The following TMCO6 variants were observed in gnomAD, a reference collection of about 807,000 sequenced individuals.
TMCO6 encodes transmembrane and coiled-coil domain-containing protein 6.
A neutral mutation model predicts 61.8 loss-of-function variants in TMCO6; 47 were observed. That is an observed-to-expected ratio of 0.76 (90% confidence interval 0.60 to 0.97). TMCO6 has a LOEUF of 0.97. Ranked by LOEUF, TMCO6 falls within the 50% of genes least tolerant of loss-of-function variation. The pLI is 0.00. For synonymous variants in TMCO6, 261 were observed against 254.2 expected, an observed-to-expected ratio of 1.03 and a Z score of -0.25; for missense variants, 557 against 601.6, an observed-to-expected ratio of 0.93 and a Z score of 0.78.
rs1757188720 is a variant in TMCO6 at position 140,643,648 on chromosome 5, G to A, written c.891G>A (p.Gln297=). ...LLLLDLAGAV[Q]KTEDAGLELL... is the part of the protein sequence containing the mutation. ...TGTTGGACTTGGCTGGGGCTGTCCA[G>A]AAAACCGAGGATGCAGGACTGGAGC... Residue 297 remains glutamine (Q), a synonymous_variant, in exon 8 of 12, where the codon CAG becomes CAA. Coordinates refer to ENST00000394671, the MANE Select transcript of TMCO6 (RefSeq NM_018502.5). 1 of 1,613,480 alleles carries A rather than the reference G, an allele frequency of 6.2e-7. No individual in the cohort carries two copies. The highest frequency in any genetic ancestry group is 8.5e-7 in the Non-Finnish European group (1 of 1,179,670).
At chr5:140,612,629 G>T in the TMCO6 span, among the ~76,000 whole-genome samples, 13 of 152,072 alleles carry the variant, frequency 8.5e-5, no homozygotes, top group East Asian at 1.9e-3. Flanking sequence ...GTGAGCCACC[G>T]CTCCAGGCCA....
chr5:140,612,851 T>C, the TMCO6 span, among the ~76,000 whole-genome samples: 1 of 152,226 alleles, frequency 6.6e-6, no homozygotes, highest in African/African-American at 2.4e-5. Flanking sequence ...CTATTCACTG[T>C]TTCCTCACTT....
chr5:140,640,249 C>CT (rs987401756), intron 2 of TMCO6, among the ~76,000 whole-genome samples: 6 of 152,158 alleles, frequency 3.9e-5, no homozygotes, highest in Non-Finnish European at 8.8e-5. Context: ...GGTCTAGCCT[C>CT]TTCCTAACTC....
At chr5:140,617,041 A>C in the TMCO6 span, among the ~76,000 whole-genome samples, 1 of 151,244 alleles carries the variant, frequency 6.6e-6, no homozygotes, top group Admixed American at 6.6e-5. Flanking sequence ...AAACCGTCTC[A>C]GGCAAAAAAA....
At chr5:140,622,352 G>A in the TMCO6 span, among the ~76,000 whole-genome samples, 1 of 152,096 alleles carries the variant, frequency 6.6e-6, no homozygotes, top group Non-Finnish European at 1.5e-5. Context: ...AGTGTCCTGG[G>A]CTCAGTCCTC....
chr5:140,615,732 T>C, the TMCO6 span, among the ~76,000 whole-genome samples: 1 of 152,208 alleles, frequency 6.6e-6, no homozygotes, highest in Non-Finnish European at 1.5e-5. Flanking sequence ...GGAAAATAGA[T>C]ATTCACCTGC....
the TMCO6 span, among the ~76,000 whole-genome samples, chr5:140,603,188 C>A: frequency 6.6e-6 from 1 of 152,160 alleles, no homozygotes; most frequent in Non-Finnish European, 1.5e-5. Flanking sequence ...CCCCAGGTGA[C>A]CACTAAGCAG....
Position 140,645,320 on chromosome 5 carries a change from TCCCTGCCC to T in TMCO6, c.*226_*233del. The T allele has an allele frequency of 1.4e-6, 1 of 723,588 alleles. No individual in the cohort carries two copies. The highest frequency in any genetic ancestry group is 2.4e-6 in the Non-Finnish European group (1 of 413,804). 44.8% of individuals were successfully genotyped at this position (723,588 alleles called of 1,614,324 possible). On this transcript the variant is annotated 3_prime_UTR_variant, in exon 12 of 12. Transcript: ENST00000394671. ...GTCTACTTACTCTGGGGCCCTAGAA[TCCCTGCCC>T]CCCCGCCACCCTTCATGTTTGCTTC...
chr5:140,603,434 A>G, the TMCO6 span, among the ~76,000 whole-genome samples: 1 of 151,980 alleles, frequency 6.6e-6, no homozygotes, highest in Non-Finnish European at 1.5e-5. Flanking sequence ...CAGCCTTCCA[A>G]GTAGCTGAGA....
downstream of TMCO6, chr5:140,647,688 GC>G (rs200203867): frequency 1.3e-3 from 1,924 of 1,449,514 alleles, 26 homozygotes; most frequent in African/African-American, 0.024. Flanking sequence ...TGAGGCAGGG[GC>G]GGGGTAAAGC....
the TMCO6 span, among the ~76,000 whole-genome samples, chr5:140,616,719 G>A: frequency 5.9e-5 from 9 of 152,134 alleles, no homozygotes; most frequent in Non-Finnish European, 1.3e-4. Flanking sequence ...AAGAACTCCT[G>A]CAACTCAATA....
At chr5:140,602,325 T>C in the TMCO6 span, among the ~76,000 whole-genome samples, 1 of 152,188 alleles carries the variant, frequency 6.6e-6, no homozygotes, top group Non-Finnish European at 1.5e-5. Context: ...TGCTGTCCAG[T>C]CAGAGCCAGG....
chr5:140,624,855 TC>T, the TMCO6 span, among the ~76,000 whole-genome samples: 28,144 of 81,786 alleles, frequency 0.34, 3,745 homozygotes, highest in African/African-American at 0.46. Flanking sequence ...TTTCTTTCTT[TC>T]TTTTTTTTTT....
chr5:140,626,089 C>T, the TMCO6 span, among the ~76,000 whole-genome samples: 3 of 152,146 alleles, frequency 2.0e-5, no homozygotes, highest in Non-Finnish European at 2.9e-5. Context: ...TTCATGGCTA[C>T]GGTTTCCACA....
At chr5:140,605,743 AAAG>A in the TMCO6 span, among the ~76,000 whole-genome samples, 1 of 148,408 alleles carries the variant, frequency 6.7e-6, no homozygotes, top group African/African-American at 2.5e-5. Flanking sequence ...ACACACAAAG[AAAG>A]AAGATGTTTC....
chr5:140,647,430 GGTCGTGACCCTGGC>G, downstream of TMCO6: 1 of 1,609,496 alleles, frequency 6.2e-7, no homozygotes, highest in Non-Finnish European at 8.5e-7. Context: ...GGGAGGTCGA[GGTCGTGACCCTGGC>G]GTCCCGAAGC....
intron 2 of TMCO6, among the ~76,000 whole-genome samples, chr5:140,640,555 G>A (rs1052002337): frequency 1.3e-5 from 2 of 151,828 alleles, no homozygotes; most frequent in Admixed American, 6.6e-5. Context: ...ACAGGCGCGC[G>A]CCACCACTAA....
In TMCO6 at chr5:140,642,869, G is replaced by T. The variant is rs139343791; in HGVS notation, c.690-56G>T. On this transcript the variant is annotated intron_variant, in intron 6 of 11. Coordinates refer to ENST00000394671, the MANE Select transcript of TMCO6 (RefSeq NM_018502.5). ...CTCTCCCACCTGCTATCAGGGTTTG[G>T]TAAGAACCACTGGCATCTTCGTGGT... 287 of 1,613,714 alleles carry T rather than the reference G, an allele frequency of 1.8e-4. No individual in the cohort carries two copies. The East Asian group carries it at 3.5e-3, about 20-fold the overall frequency.
chr5:140,647,579 G>A, downstream of TMCO6: 1 of 1,609,944 alleles, frequency 6.2e-7, no homozygotes. Flanking sequence ...TGCGGCCGCC[G>A]CCATCCTTGT....
Sources: gnomAD v4.1 joint callset for allele counts (sites outside exome capture counted in the v4.1 genomes callset) on GRCh38, gnomAD v4.1.1 for gene constraint, MANE v1.5 for transcripts, NCBI Gene and HGNC (gene_info 2026-07-23, HGNC 2026-07-21) for gene names.